Variants in MCF2 observed in about 807,000 individuals in gnomAD.
MCF2 encodes the protein MCF.2 cell line derived transforming sequence.
Under a neutral mutation model 82.5 loss-of-function variants are expected in MCF2, and 44 were observed. The ratio of observed to expected loss-of-function variants is 0.53; its 90% confidence interval spans 0.42 to 0.69. MCF2 has a LOEUF of 0.69. Among genes scored for constraint, MCF2 ranks in the 30% least tolerant of loss-of-function variants. The pLI is 0.00. For missense variants in MCF2, 623 were observed against 663.1 expected (o/e 0.94, Z 0.66); for synonymous variants, 217 against 224.9 (o/e 0.96, Z 0.32).
intron 1 of MCF2, among the ~76,000 whole-genome samples, chrX:139,671,310 T>C (rs1446886531): frequency 7.1e-5 from 8 of 112,074 alleles, no homozygotes; most frequent in African/African-American, 2.6e-4. Flanking sequence ...AGAAGCTCTT[T>C]AGTTTAATTA....
At chrX:139,655,768 T>C (rs767920436) in intron 1 of MCF2, among the ~76,000 whole-genome samples, 1 of 110,813 alleles carries the variant, frequency 9.0e-6, no homozygotes, top group Non-Finnish European at 1.9e-5. Flanking sequence ...TTTGATGGAG[T>C]CTTTAGGTTT....
At chrX:139,621,641 T>A (rs1932367902) in intron 6 of MCF2, among the ~76,000 whole-genome samples, 1 of 111,712 alleles carries the variant, frequency 9.0e-6, no homozygotes, top group South Asian at 3.7e-4. Context: ...GGATTCCCTA[T>A]TTAATAAATG....
intron 1 of MCF2, chrX:139,702,270 G>A (rs772610940): frequency 8.9e-6 from 1 of 111,928 alleles, no homozygotes; most frequent in African/African-American, 3.3e-5. Context: ...AACCCTTTAC[G>A]TCTTTTTTTC....
intron 16 of MCF2, among the ~76,000 whole-genome samples, chrX:139,601,732 C>T (rs1930568359): frequency 9.0e-6 from 1 of 111,358 alleles, no homozygotes; most frequent in African/African-American, 3.3e-5. Flanking sequence ...CCCCAGATGA[C>T]AGCTGCGCAA....
Position 139,602,515 on chromosome X carries a change from A to C in MCF2, c.1744-17T>G. The C allele has an allele frequency of 9.9e-7, 1 of 1,007,168 alleles. No individual in the cohort carries two copies. The highest frequency in any genetic ancestry group is 1.4e-6 in the Non-Finnish European group (1 of 713,418). The allele number at this position is 1,007,168 out of a possible 1,213,427, so 83.0% of individuals were successfully genotyped here. A position where few individuals can be genotyped will look rare whatever the true frequency, so the allele number is the denominator to read the frequency against. The stretch of plus-strand genomic sequence containing the variant: ...ATCATCCTTCTGTGATAAAAAACAA[A>C]TTCAAATGTATTACTAATTTGTGAA... On this transcript the variant is annotated splice_polypyrimidine_tract_variant and intron_variant, in intron 15 of 24. Coordinates refer to ENST00000370576, the Ensembl canonical transcript of MCF2.
At position 139,613,203 on chromosome X, in the gene MCF2, TAA is replaced by T. The variant is rs1475550587; in HGVS notation, c.1363+1676_1363+1677del. ...AAATGTATTGGCAAAAGTAATATAA[TAA>T]AGATGGGTACCTTTTGAAAAAAGTT... On this transcript the variant is annotated intron_variant, in intron 10 of 24. Transcript: ENST00000370576. 4.5e-6 allele frequency: 5 copies of T among 1,117,905 alleles called. No individual in the cohort carries two copies. The East Asian group carries it at 1.3e-4, about 29-fold the overall frequency. The allele number at this position is 1,117,905 out of a possible 1,213,427, so 92.1% of individuals were successfully genotyped here. A position where few individuals can be genotyped will look rare whatever the true frequency, so the allele number is the denominator to read the frequency against.
At chrX:139,691,767 G>C in intron 1 of MCF2, 1 of 476,851 alleles carries the variant, frequency 2.1e-6, no homozygotes, top group Non-Finnish European at 3.6e-6. Context: ...AGGTGGGGGG[G>C]TTGTATAGAC....
intron 17 of MCF2, 151 bp from the exon 22 acceptor site, chrX:139,597,736 A>C (rs762979439): frequency 2.7e-6 from 1 of 372,601 alleles, no homozygotes. Flanking sequence ...CTGCAGTAAT[A>C]TTTTTAATGG....
At chrX:139,667,376 A>G (rs1323983292) in intron 1 of MCF2, among the ~76,000 whole-genome samples, 1 of 110,725 alleles carries the variant, frequency 9.0e-6, no homozygotes, top group Non-Finnish European at 1.9e-5. Flanking sequence ...CCAAAGCACT[A>G]GCATTACAGG....
At chrX:139,609,185 T>C (rs990720243) in intron 11 of MCF2, among the ~76,000 whole-genome samples, 10 of 112,169 alleles carry the variant, frequency 8.9e-5, no homozygotes, top group African/African-American at 3.2e-4. Context: ...TGTACCACTA[T>C]GCTATACTGC....
Position 139,629,707 on chromosome X carries a change from A to T in MCF2, c.426T>A (p.Tyr142Ter). ...CTATCAGACATACCTTCAACAGATG[A>T]TACCTTTCAGCACGAATTGCCAGAA... The change falls in exon 4 of 25, where the codon TAT becomes TAA. Residue 142 changes from tyrosine (Y) to a stop codon, truncating the protein, a stop_gained. Transcript: ENST00000370576. LOFTEE classifies it high-confidence loss of function. 3 of 1,208,818 alleles carry T rather than the reference A, an allele frequency of 2.5e-6. No homozygotes were observed. Among genetic ancestry groups the T allele is most frequent in the Non-Finnish European group, 3.4e-6 (3 of 893,493 alleles).
chrX:139,631,747 G>A lies in MCF2; in HGVS notation c.172-236C>T, dbSNP rs1027414888. Among the ~76,000 whole-genome samples the A allele has an allele frequency of 3.6e-5, 4 of 111,044 alleles. No homozygotes were observed. In the Admixed American group the frequency reaches 3.9e-4, roughly 11 times the overall value. On this transcript the variant is annotated intron_variant, in intron 2 of 24. Transcript: ENST00000370576. ...AATCAATCTCCACAGAAACCAAAAC[G>A]CCTAATTTTCCTCCATCTAAAAGTT...
chrX:139,582,970 C>T (rs1013524702), intron 24 of MCF2, among the ~76,000 whole-genome samples: 8 of 111,470 alleles, frequency 7.2e-5, no homozygotes, highest in African/African-American at 2.6e-4. Context: ...CCTGAGATTC[C>T]CAAAGTGTGG....
exon 2 of MCF2, chrX:139,651,767 A>G: frequency 8.6e-7 from 1 of 1,158,176 alleles, no homozygotes; most frequent in Middle Eastern, 2.5e-4. Context: ...GATGTCCTTT[A>G]TACGGAGGAG....
chrX:139,669,488 A>G (rs993527948), intron 1 of MCF2, among the ~76,000 whole-genome samples: 1 of 112,596 alleles, frequency 8.9e-6, no homozygotes, highest in Non-Finnish European at 1.9e-5. Flanking sequence ...GAGTTTTGCA[A>G]TTCCTCAGAA....
At chrX:139,604,893 G>C (rs1373851013) in exon 14 of MCF2, 2 of 1,185,338 alleles carry the variant, frequency 1.7e-6, no homozygotes, top group Admixed American at 4.5e-5. Flanking sequence ...ATATATTTCT[G>C]CCATGTTTCC....
chrX:139,621,724 T>G (rs2148471849), intron 6 of MCF2, among the ~76,000 whole-genome samples: 1 of 111,381 alleles, frequency 9.0e-6, no homozygotes, highest in African/African-American at 3.3e-5. Context: ...ATACAAAAAC[T>G]AATTCAAGAT....
intron 16 of MCF2, among the ~76,000 whole-genome samples, chrX:139,599,567 T>C (rs1930375948): frequency 1.8e-5 from 2 of 110,857 alleles, no homozygotes; most frequent in Non-Finnish European, 3.8e-5. Context: ...TCAGGGATTA[T>C]AGACACCAAG....
At chrX:139,599,861 A>G (rs1222126530) in intron 16 of MCF2, among the ~76,000 whole-genome samples, 2 of 111,996 alleles carry the variant, frequency 1.8e-5, no homozygotes, top group African/African-American at 6.5e-5. Flanking sequence ...CTTATGCAAA[A>G]GCATTCTCAG....
Sources: allele counts gnomAD v4.1 joint callset (sites outside exome capture counted in the v4.1 genomes callset), GRCh38; gene constraint gnomAD v4.1.1; transcripts MANE v1.5; gene names NCBI Gene and HGNC (gene_info 2026-07-23, HGNC 2026-07-21).